Variants in SLC4A8 observed in about 807,000 individuals in gnomAD.
The protein encoded by SLC4A8 is electroneutral sodium bicarbonate exchanger 1.
In SLC4A8, 40 loss-of-function variants were observed where a neutral mutation model predicts 125.0. That is an observed-to-expected ratio of 0.32 (90% CI 0.25 to 0.42). The LOEUF (loss-of-function observed/expected upper bound fraction) is 0.42. Ranked by LOEUF, SLC4A8 falls within the 10% of genes least tolerant of loss-of-function variation. The probability of loss-of-function intolerance (pLI) is 1.00; values close to 1 mark genes in which losing one functional copy is unlikely to be tolerated. For missense variants in SLC4A8, 863 were observed against 1,355.1 expected, an observed-to-expected ratio of 0.64 and a Z score of 5.70; for synonymous variants, 456 against 476.0, an observed-to-expected ratio of 0.96 and a Z score of 0.55.
Position 51,469,741 on chromosome 12 carries a change from G to A in SLC4A8, c.1477G>A (p.Val493Ile). 6.2e-7 allele frequency: 1 copy of A among 1,614,056 alleles called. No homozygotes were observed. ...LFLYCACMSPVITFGGLLGEA... is the reference protein window; with the variant it reads ...LFLYCACMSPIITFGGLLGEA... ...CCTGTACTGTGCCTGCATGTCACCT[G>A]TCATCACCTTTGGGGGACTGCTTGG... The change falls in exon 12 of 25, where the codon GTC becomes ATC. Residue 493 changes from valine (V) to isoleucine (I), a missense_variant. Transcript: ENST00000453097.
At chr12:51,479,007 G>T (rs533679416) in intron 16 of SLC4A8, among the ~76,000 whole-genome samples, 2 of 152,324 alleles carry the variant, frequency 1.3e-5, no homozygotes, top group South Asian at 4.1e-4. Context: ...GATGCAGTGA[G>T]ATTTGATATG....
intron 1 of SLC4A8, among the ~76,000 whole-genome samples, chr12:51,425,978 G>A (rs1010584740): frequency 2.0e-5 from 3 of 152,156 alleles, no homozygotes; most frequent in African/African-American, 7.2e-5. Context: ...CGTTTCCTGT[G>A]CAATCAGATG....
At chr12:51,490,193 A>G (rs1032233022) in intron 19 of SLC4A8, among the ~76,000 whole-genome samples, 2 of 152,186 alleles carry the variant, frequency 1.3e-5, no homozygotes, top group African/African-American at 4.8e-5. Flanking sequence ...TTCTGGCACT[A>G]TAGAGAACTG....
At chr12:51,430,919 A>C (rs1218946286) in intron 1 of SLC4A8, among the ~76,000 whole-genome samples, 1 of 152,232 alleles carries the variant, frequency 6.6e-6, no homozygotes, top group African/African-American at 2.4e-5. Context: ...GCCATAACAA[A>C]GTACCACATA....
intron 1 of SLC4A8, among the ~76,000 whole-genome samples, chr12:51,400,793 CACACACACAT>C (rs1206163180): frequency 1.1e-5 from 1 of 87,934 alleles, no homozygotes; most frequent in African/African-American, 5.4e-5. Flanking sequence ...CATACACACA[CACACACACAT>C]ATATAAACAT....
chr12:51,480,396 G>A (rs2138358479), intron 16 of SLC4A8: 4 of 1,131,880 alleles, frequency 3.5e-6, no homozygotes, highest in Non-Finnish European at 3.3e-6. Context: ...ATGTGTGCAG[G>A]CAATATTATC....
At position 51,475,108 on chromosome 12, in the gene SLC4A8, C is replaced by T; in HGVS notation, c.2074C>T (p.Pro692Ser). ...SACGHHGPYT[P>S]DVLFWSCILF... ...GTGCGGCCATCATGGACCCTACACT[C>T]CTGATGTCCTCTTTTGGTCCTGTAT... Residue 692 changes from proline to serine, a missense_variant, in exon 16 of 25, where the codon CCT (proline) becomes TCT (serine). By Grantham distance (74) the Pro-to-Ser change is moderately conservative (BLOSUM62 -1). Coordinates refer to ENST00000453097, the MANE Select transcript of SLC4A8 (RefSeq NM_001039960.3). 6.2e-7 allele frequency: 1 copy of T among 1,613,986 alleles called. No homozygotes were observed. Among genetic ancestry groups the T allele is most frequent in the Non-Finnish European group, 8.5e-7 (1 of 1,179,824 alleles).
At chr12:51,416,026 T>A (rs971897082) in intron 1 of SLC4A8, among the ~76,000 whole-genome samples, 15 of 151,928 alleles carry the variant, frequency 9.9e-5, no homozygotes, top group Admixed American at 2.0e-4. Flanking sequence ...TCCTTTTTTT[T>A]AAATTTACTT....
In SLC4A8 at chr12:51,400,777, TACATACATAC is replaced by T. The variant is rs779760353; in HGVS notation, c.-112+9293_-112+9302del. On this transcript the variant is annotated intron_variant, in intron 1 of 24. Coordinates refer to the SLC4A8 transcript ENST00000358657. ...ATATATATATATATATATATATATA[TACATACATAC>T]ACACACACACACACATATATAAACA... Among the ~76,000 whole-genome samples, 27 of 10,006 alleles carry T rather than the reference TACATACATAC, an allele frequency of 2.7e-3. 2 individuals are homozygous for T. Among genetic ancestry groups the T allele is most frequent in the East Asian group, 6.7e-3 (2 of 298 alleles). 6.6% of individuals were successfully genotyped at this position (10,006 alleles called of 152,430 possible). A position where few individuals can be genotyped will look rare whatever the true frequency, so the allele number is the denominator to read the frequency against.
At chr12:51,415,169 T>C (rs1948661720) in intron 1 of SLC4A8, among the ~76,000 whole-genome samples, 1 of 152,016 alleles carries the variant, frequency 6.6e-6, no homozygotes. Flanking sequence ...TAATTGTGGT[T>C]TTTACCATTG....
chr12:51,439,844 A>G (rs1949538078), intron 1 of SLC4A8, among the ~76,000 whole-genome samples: 1 of 152,208 alleles, frequency 6.6e-6, no homozygotes, highest in East Asian at 1.9e-4. Flanking sequence ...TGCCATTGGT[A>G]GGAATAAACA....
chr12:51,495,284 A>G (rs1383036786), intron 21 of SLC4A8, among the ~76,000 whole-genome samples, 166 bp downstream of exon 21: 1 of 152,100 alleles, frequency 6.6e-6, no homozygotes, highest in African/African-American at 2.4e-5. Context: ...AACTTTTTAC[A>G]TCTTGCAAAG....
chr12:51,409,155 G>A (rs76983016), intron 1 of SLC4A8, among the ~76,000 whole-genome samples: 6,218 of 152,048 alleles, frequency 0.041, 387 homozygotes, highest in African/African-American at 0.13. Flanking sequence ...CTACCAAGTA[G>A]CTGGGACTAC....
chr12:51,503,853 G>A (rs1246639245), intron 22 of SLC4A8, among the ~76,000 whole-genome samples, 176 bp from the exon 23 acceptor site: 1 of 152,058 alleles, frequency 6.6e-6, no homozygotes, highest in African/African-American at 2.4e-5. Flanking sequence ...CATTCCACAT[G>A]TATAAATATC....
At chr12:51,413,079 G>C (rs1948623652) in intron 1 of SLC4A8, among the ~76,000 whole-genome samples, 1 of 152,126 alleles carries the variant, frequency 6.6e-6, no homozygotes, top group South Asian at 2.1e-4. Flanking sequence ...ACCAACATTC[G>C]TGTTTTTTTG....
intron 13 of SLC4A8, 70 bp from the exon 14 acceptor site, chr12:51,471,217 C>T (rs1462660094): frequency 1.4e-6 from 2 of 1,448,046 alleles, no homozygotes; most frequent in African/African-American, 1.4e-5. Context: ...ATGAATTAAC[C>T]ACATTTCTGA....
intron 1 of SLC4A8, among the ~76,000 whole-genome samples, chr12:51,432,304 G>A (rs746948706): frequency 4.6e-5 from 7 of 151,778 alleles, no homozygotes; most frequent in Non-Finnish European, 8.8e-5. Flanking sequence ...CCACCTACTC[G>A]GGAGGCTGAG....
At chr12:51,416,407 A>G (rs368732611) in intron 1 of SLC4A8, among the ~76,000 whole-genome samples, 23 of 151,866 alleles carry the variant, frequency 1.5e-4, no homozygotes, top group Middle Eastern at 3.4e-3. Context: ...CTTTGGGAGG[A>G]CGTGACAGGC....
intron 1 of SLC4A8, among the ~76,000 whole-genome samples, chr12:51,417,812 G>A (rs1017907335): frequency 1.3e-5 from 2 of 152,070 alleles, no homozygotes; most frequent in African/African-American, 4.8e-5. Flanking sequence ...CACTGCACCC[G>A]GCCTAATTTT....
Sources: gnomAD v4.1 joint callset for allele counts (sites outside exome capture counted in the v4.1 genomes callset) on GRCh38, gnomAD v4.1.1 for gene constraint, MANE v1.5 for transcripts, NCBI Gene and HGNC (gene_info 2026-07-23, HGNC 2026-07-21) for gene names.